The following RNF128 variants were observed in gnomAD, a reference collection of about 807,000 sequenced individuals.
RNF128 encodes the protein E3 ubiquitin-protein ligase RNF128.
A neutral mutation model predicts 26.2 loss-of-function variants in RNF128; 13 were observed. The observed-to-expected ratio is 0.50, with a 90% CI of 0.32 to 0.79. RNF128 has a LOEUF of 0.79. Among genes scored for constraint, RNF128 ranks in the 30% least tolerant of loss-of-function variants. The probability of loss-of-function intolerance (pLI) is 0.03; values close to 1 mark genes in which losing one functional copy is unlikely to be tolerated. For missense variants in RNF128, 315 were observed against 349.7 expected (o/e 0.90, Z 0.79); for synonymous variants, 149 against 142.5 (o/e 1.05, Z -0.32).
intron 1 of RNF128, among the ~76,000 whole-genome samples, chrX:106,751,019 G>A (rs1929874164): frequency 9.0e-6 from 1 of 111,345 alleles, no homozygotes; most frequent in African/African-American, 3.3e-5. Flanking sequence ...ATAGGACAGG[G>A]AGCAAGATGG....
chrX:106,720,032 C>A (rs998570996), intron 1 of RNF128, among the ~76,000 whole-genome samples: 1 of 110,907 alleles, frequency 9.0e-6, no homozygotes, highest in Non-Finnish European at 1.9e-5. Context: ...AGGTTTAATT[C>A]TTTTGGAATC....
chrX:106,783,850 G>A (rs1930605850), intron 2 of RNF128, among the ~76,000 whole-genome samples: 1 of 110,539 alleles, frequency 9.0e-6, no homozygotes, highest in East Asian at 2.9e-4. Flanking sequence ...GAGAGAGAGG[G>A]AGCAGGCGCC....
chrX:106,794,291 T>C (rs1429426561), intron 6 of RNF128, among the ~76,000 whole-genome samples: 1 of 111,647 alleles, frequency 9.0e-6, no homozygotes, highest in African/African-American at 3.3e-5. Context: ...TTTGTGTTCT[T>C]TCAACTTTCT....
At chrX:106,771,600 G>A (rs1342979618) in intron 1 of RNF128, among the ~76,000 whole-genome samples, 1 of 112,819 alleles carries the variant, frequency 8.9e-6, no homozygotes, top group Non-Finnish European at 1.9e-5. Flanking sequence ...AAGGCTGTTG[G>A]AAAAGTGCAG....
chrX:106,726,693 C>T, upstream of RNF128: 4 of 1,020,790 alleles, frequency 3.9e-6, no homozygotes, highest in Non-Finnish European at 5.0e-6. Flanking sequence ...GAGCCCGACG[C>T]GGCAGCCGCG....
chrX:106,723,364 C>G (rs374353627), upstream of RNF128, among the ~76,000 whole-genome samples: 1 of 110,748 alleles, frequency 9.0e-6, no homozygotes, highest in South Asian at 3.9e-4. Context: ...GTCAGGAGTT[C>G]GAGACCAGCC....
intron 1 of RNF128, among the ~76,000 whole-genome samples, chrX:106,764,320 C>A (rs1930177161): frequency 9.0e-6 from 1 of 110,558 alleles, no homozygotes; most frequent in Non-Finnish European, 1.9e-5. Flanking sequence ...TCCTGAGTAT[C>A]CACCCCTGCC....
chrX:106,788,881 A>T (rs1602393420), intron 4 of RNF128, among the ~76,000 whole-genome samples: 2 of 76,757 alleles, frequency 2.6e-5, no homozygotes, highest in African/African-American at 1.1e-4. Context: ...AATGTATAAT[A>T]TATTATATAT....
intron 2 of RNF128, among the ~76,000 whole-genome samples, chrX:106,779,603 C>A (rs1489086901): frequency 2.8e-5 from 3 of 108,465 alleles, no homozygotes; most frequent in Non-Finnish European, 5.7e-5. Flanking sequence ...AATCACATTT[C>A]TTTGAAAAAA....
rs369595554 is a variant in RNF128, at chrX:106,795,764, T to C, written c.*51T>C. On this transcript the variant is annotated 3_prime_UTR_variant, in exon 7 of 7. Coordinates refer to ENST00000255499, the MANE Select transcript of RNF128 (RefSeq NM_194463.2). ...CCATTAGTAATAACAGAACTGCCAA[T>C]CAGGGCCTAGTTTCTATTAATAAAT... The C allele has an allele frequency of 1.2e-4, 123 of 1,017,454 alleles. 1 individual carries two copies. In the Middle Eastern group the frequency reaches 2.0e-3, roughly 16 times the overall value. The allele number at this position is 1,017,454 out of a possible 1,213,427, so 83.8% of individuals were successfully genotyped here. A position where few individuals can be genotyped will look rare whatever the true frequency, so the allele number is the denominator to read the frequency against.
chrX:106,788,627 C>A (rs1930735282), intron 4 of RNF128, among the ~76,000 whole-genome samples: 1 of 56,475 alleles, frequency 1.8e-5, no homozygotes, highest in Non-Finnish European at 2.9e-5. Flanking sequence ...ATTATATATA[C>A]TATATAATAT....
intron 1 of RNF128, among the ~76,000 whole-genome samples, chrX:106,742,554 C>G (rs1929719961): frequency 9.0e-6 from 1 of 111,675 alleles, no homozygotes; most frequent in Non-Finnish European, 1.9e-5. Context: ...CGATCCAGCA[C>G]AATGGTTCTG....
At chrX:106,781,895 C>T (rs1569444526) in intron 2 of RNF128, among the ~76,000 whole-genome samples, 1 of 111,381 alleles carries the variant, frequency 9.0e-6, no homozygotes, top group Non-Finnish European at 1.9e-5. Context: ...TTTCTAGCAT[C>T]GCCCTTAATG....
At chrX:106,727,464 A>G in intron 1 of RNF128, 67 bp downstream of exon 1, 4 of 1,148,028 alleles carry the variant, frequency 3.5e-6, no homozygotes, top group Non-Finnish European at 4.7e-6. Context: ...TATTTTCCTC[A>G]TTGCCCTCCT....
intron 1 of RNF128, among the ~76,000 whole-genome samples, chrX:106,742,555 A>G (rs776532385): frequency 8.9e-6 from 1 of 111,799 alleles, no homozygotes; most frequent in African/African-American, 3.2e-5. Flanking sequence ...GATCCAGCAC[A>G]ATGGTTCTGA....
At chrX:106,717,241 C>T (rs1215439544) in intron 1 of RNF128, among the ~76,000 whole-genome samples, 2 of 110,112 alleles carry the variant, frequency 1.8e-5, no homozygotes, top group African/African-American at 3.3e-5. Flanking sequence ...ATATTGTATT[C>T]AATATGCAAT....
At chrX:106,739,225 T>C (rs929682427) in intron 1 of RNF128, among the ~76,000 whole-genome samples, 2 of 109,937 alleles carry the variant, frequency 1.8e-5, no homozygotes, top group African/African-American at 6.6e-5. Context: ...AGTGGTGCAA[T>C]ATGGGCTCAC....
chrX:106,740,185 C>T (rs776402093), intron 1 of RNF128, among the ~76,000 whole-genome samples: 1 of 111,653 alleles, frequency 9.0e-6, no homozygotes, highest in South Asian at 3.8e-4. Context: ...GTGTTTTTTC[C>T]TTCCAGGGAC....
Position 106,768,225 on chromosome X carries a change from C to A in RNF128, c.485-4688C>A, listed in dbSNP as rs375240690. On this transcript the variant is annotated intron_variant, in intron 1 of 6. Transcript: ENST00000255499. ...GCTTTGGTATCAGGATGATGCTGGC[C>A]TCATAAAATGAGTTAGGAAGGATTC... is the stretch of plus-strand genomic sequence containing the variant. 4.5e-5 allele frequency among the ~76,000 whole-genome samples: 5 copies of A among 111,629 alleles called. No homozygotes were observed. In the South Asian group the frequency reaches 1.9e-3, roughly 42 times the overall value.
Sources: gnomAD v4.1 joint callset for allele counts (sites outside exome capture counted in the v4.1 genomes callset) on GRCh38, gnomAD v4.1.1 for gene constraint, MANE v1.5 for transcripts, NCBI Gene and HGNC (gene_info 2026-07-23, HGNC 2026-07-21) for gene names.